MARCHF10: variants seen among roughly 807,000 people sequenced by gnomAD.
MARCHF10 encodes the protein probable E3 ubiquitin-protein ligase MARCHF10.
MARCHF10 carries 64 observed loss-of-function variants against 76.2 expected under a neutral mutation model. That is an observed-to-expected ratio of 0.84 (90% CI 0.69 to 1.03). The LOEUF (loss-of-function observed/expected upper bound fraction) is 1.03, where lower values mean the gene tolerates loss of function less well. Ranked by LOEUF, MARCHF10 falls within the 50% of genes least tolerant of loss-of-function variation. The pLI is 0.00. For missense variants in MARCHF10, 875 were observed against 958.0 expected (o/e 0.91, Z 1.14); for synonymous variants, 340 against 357.5 (o/e 0.95, Z 0.55).
At chr17:62,770,851 CTTTTTTTTTTTTTT>C (rs35064058) in intron 3 of MARCHF10, among the ~76,000 whole-genome samples, 1 of 83,632 alleles carries the variant, frequency 1.2e-5, no homozygotes, top group African/African-American at 4.9e-5. Context: ...TGTATTTTGA[CTTTTTTTTTTTTTT>C]TTTTTTTTGA....
In MARCHF10 at chr17:62,736,351, C is replaced by T. The variant is rs891715114; in HGVS notation, c.1517G>A (p.Gly506Glu). Residue 506 changes from glycine to glutamate, a missense_variant, in exon 6 of 11, where the codon GGG becomes GAG. Transcript: ENST00000311269. ...VHSSDSEGNSGFHVCQPLSPI... is the reference protein window; with the variant it reads ...VHSSDSEGNSEFHVCQPLSPI... ...AGACAGTGGTTGGCAAACATGAAAC[C>T]CTGAGTTTCCCTCTGAGTCTGAGCT... 1.9e-6 allele frequency: 3 copies of T among 1,614,046 alleles called. No homozygotes were observed. The African/African-American group carries it at 4.0e-5, about 22-fold the overall frequency.
At position 62,738,849 on chromosome 17, in the gene MARCHF10, T is replaced by A. The variant is rs1251336717; in HGVS notation, c.536-1517A>T. Among the ~76,000 whole-genome samples, 3 of 152,218 alleles carry A rather than the reference T, an allele frequency of 2.0e-5. No individual in the cohort carries two copies. Among genetic ancestry groups the A allele is most frequent in the African/African-American group, 7.2e-5 (3 of 41,462 alleles). ...CCCTCCTGGGTTTTATAAACCCCAG[T>A]TAGAGATGCAGCAGCAATTCAAGGA... On this transcript the variant is annotated intron_variant, in intron 5 of 10. Coordinates refer to ENST00000311269, the MANE Select transcript of MARCHF10 (RefSeq NM_152598.4). This position sits in a 1 kb window ranked among gnomAD's most constrained non-coding sequence, Gnocchi z 4.0.
intron 3 of MARCHF10, among the ~76,000 whole-genome samples, chr17:62,762,283 G>T (rs1452528609): frequency 6.6e-6 from 1 of 152,198 alleles, no homozygotes; most frequent in Non-Finnish European, 1.5e-5. Flanking sequence ...CTACGGGATT[G>T]TGAGCCTACA....
intron 6 of MARCHF10, among the ~76,000 whole-genome samples, chr17:62,731,262 ATTAC>A (rs1241184553): frequency 1.3e-5 from 2 of 152,010 alleles, no homozygotes; most frequent in Non-Finnish European, 2.9e-5. Flanking sequence ...TTGACAAAGA[ATTAC>A]TTTTTGTTTT....
chr17:62,801,663 C>A lies in MARCHF10; in HGVS notation c.73G>T (p.Val25Leu). The A allele has an allele frequency of 1.9e-6, 3 of 1,614,090 alleles. No individual in the cohort carries two copies. Among genetic ancestry groups the A allele is most frequent in the African/African-American group, 1.3e-5 (1 of 75,040 alleles). ...VQYLRDMQHKVDSEYQACLRR... is the reference protein window; with the variant it reads ...VQYLRDMQHKLDSEYQACLRR... ...GCAATTACCTGATACTCAGAGTCCACCTTATGCTGCATGTCCCGCAGATAC... is the reference window on the plus strand; with the variant it reads ...GCAATTACCTGATACTCAGAGTCCAACTTATGCTGCATGTCCCGCAGATAC... The change falls in exon 2 of 11, where the codon GTG becomes TTG. Residue 25 changes from valine (V) to leucine (L), a missense_variant. By Grantham distance (32) the Val-to-Leu change is conservative. Coordinates refer to ENST00000311269, the MANE Select transcript of MARCHF10 (RefSeq NM_152598.4).
At position 62,737,056 on chromosome 17, in the gene MARCHF10, A is replaced by C. The variant is rs374880698; in HGVS notation, c.812T>G (p.Phe271Cys). The C allele has an allele frequency of 1.7e-5, 27 of 1,613,918 alleles. No homozygotes were observed. The African/African-American group carries it at 3.2e-4, about 19-fold the overall frequency. The change falls in exon 6 of 11, where the codon TTC becomes TGC. Residue 271 changes from phenylalanine to cysteine, a missense_variant. Coordinates refer to ENST00000311269, the MANE Select transcript of MARCHF10 (RefSeq NM_152598.4). ...AATGGAATAAAAGTCTTCATCTCGG[A>C]ACCTAAATGATGCCTTTCTTGGCCC... Reference protein sequence around the residue: ...VGGPRKASFRFRDEDFYSILS... With the variant: ...VGGPRKASFRCRDEDFYSILS...
At chr17:62,702,201 A>G (rs2089283154) in intron 10 of MARCHF10, among the ~76,000 whole-genome samples, 2 of 151,792 alleles carry the variant, frequency 1.3e-5, no homozygotes, top group African/African-American at 4.8e-5. Context: ...AGGACGGGGA[A>G]AGGGAGGGAG....
rs187639840 is a variant in MARCHF10, at chr17:62,720,285, G to A, written c.2214+2203C>T. On this transcript the variant is annotated intron_variant, in intron 8 of 10. Transcript: ENST00000311269. ...CTGGGTAAAAGGAACTGCTATAAAT[G>A]GGTTGTTAGCCATGTGGTGGTGAGG... is the stretch of plus-strand genomic sequence containing the variant. 3.9e-5 allele frequency among the ~76,000 whole-genome samples: 6 copies of A among 152,310 alleles called. No individual in the cohort carries two copies. The East Asian group carries it at 1.2e-3, about 29-fold the overall frequency.
At chr17:62,797,211 A>AT (rs888289938) in intron 2 of MARCHF10, among the ~76,000 whole-genome samples, 35 of 150,286 alleles carry the variant, frequency 2.3e-4, no homozygotes, top group Middle Eastern at 6.9e-3. Context: ...ATGATATATA[A>AT]TTTTTTTTTT....
In MARCHF10 at chr17:62,736,843, T is replaced by G; in HGVS notation, c.1025A>C (p.His342Pro). 6.2e-7 allele frequency: 1 copy of G among 1,614,030 alleles called. No individual in the cohort carries two copies. Among genetic ancestry groups the G allele is most frequent in the Middle Eastern group, 1.6e-4 (1 of 6,062 alleles). Reference sequence around the variant, plus strand: ...ACTGGGCTCACTTCTTCTTGAAGAATGACCTCTGCAATTTTCAGCATTTTC... The same window carrying G: ...ACTGGGCTCACTTCTTCTTGAAGAAGGACCTCTGCAATTTTCAGCATTTTC... Reference protein sequence around the residue: ...FEENAENCRGHSSRRSEPSHG... With the variant: ...FEENAENCRGPSSRRSEPSHG... The change falls in exon 6 of 11, where the codon CAT becomes CCT. Residue 342 changes from histidine (H) to proline (P), a missense_variant. Transcript: ENST00000311269.
intron 3 of MARCHF10, among the ~76,000 whole-genome samples, chr17:62,774,573 C>G (rs1049888876): frequency 1.3e-5 from 2 of 152,070 alleles, no homozygotes. Flanking sequence ...GGAGGGAGCT[C>G]TGAGAAGGGG....
intron 2 of MARCHF10, among the ~76,000 whole-genome samples, chr17:62,792,433 A>C (rs936808773): frequency 2.0e-5 from 3 of 152,000 alleles, no homozygotes; most frequent in Non-Finnish European, 2.9e-5. Flanking sequence ...TGATATGTTA[A>C]TAATGGCTGG....
In MARCHF10 at chr17:62,736,691, T is replaced by G. The variant is rs140716269; in HGVS notation, c.1177A>C (p.Ser393Arg). 655 of 1,614,188 alleles carry G rather than the reference T, an allele frequency of 4.1e-4. 3 individuals carry two copies. The highest frequency in any genetic ancestry group is 2.0e-4 in the East Asian group (9 of 44,878). ...AGAGGGCTCTTTTTCGCATTTTCAC[T>G]GCCACCTCTGTCCTTCTCTGTAGCA... is the stretch of plus-strand genomic sequence containing the variant. ...ESATEKDRGGSENAKKSPLSW... is the reference protein window; with the variant it reads ...ESATEKDRGGRENAKKSPLSW... The change falls in exon 6 of 11, where the codon AGT becomes CGT. Residue 393 changes from serine (S) to arginine (R), a missense_variant. Physicochemically the swap from Ser to Arg is moderately radical, Grantham distance 110 (BLOSUM62 -1). Transcript: ENST00000311269.
intron 2 of MARCHF10, among the ~76,000 whole-genome samples, chr17:62,798,266 TAGAAA>T (rs1183530460): frequency 6.6e-6 from 1 of 151,026 alleles, no homozygotes; most frequent in Admixed American, 6.6e-5. Context: ...GAAGAGTACA[TAGAAA>T]AGAAAATGGA....
intron 10 of MARCHF10, chr17:62,705,172 T>G (rs1599022678): frequency 6.0e-6 from 7 of 1,174,954 alleles, no homozygotes; most frequent in South Asian, 4.0e-5. Context: ...TTGGGGAGGG[T>G]TTTCCTAGAG....
chr17:62,765,508 C>T (rs1466570315), intron 3 of MARCHF10, among the ~76,000 whole-genome samples: 3 of 152,012 alleles, frequency 2.0e-5, no homozygotes, highest in Non-Finnish European at 4.4e-5. Flanking sequence ...CAAGTTGAAA[C>T]GACCCAGCCT....
At position 62,792,165 on chromosome 17, in the gene MARCHF10, G is replaced by A. The variant is rs527447731; in HGVS notation, c.91-3566C>T. 1.1e-4 allele frequency among the ~76,000 whole-genome samples: 16 copies of A among 151,870 alleles called. No individual in the cohort carries two copies. The South Asian group carries it at 2.5e-3, about 24-fold the overall frequency. On this transcript the variant is annotated intron_variant, in intron 2 of 10. Coordinates refer to ENST00000311269, the MANE Select transcript of MARCHF10 (RefSeq NM_152598.4). Reference sequence around the variant, plus strand: ...GTGCGTCCCCCTGACTACAGCATACGTAGTCGGGCTGCCTTTTGTACAGAA... The same window carrying A: ...GTGCGTCCCCCTGACTACAGCATACATAGTCGGGCTGCCTTTTGTACAGAA...
chr17:62,701,833 C>A (rs1440181151), intron 10 of MARCHF10, 75 bp from the exon 11 acceptor site: 61 of 1,582,922 alleles, frequency 3.9e-5, no homozygotes, highest in Non-Finnish European at 5.3e-5. Context: ...CACGGCACTG[C>A]TGCTTCATCT....
At position 62,738,060 on chromosome 17, in the gene MARCHF10, T is replaced by TCACACACACA. The variant is rs55902229; in HGVS notation, c.536-738_536-729dup. ...AACTGTCTCTCTCTGTCTCTCTCTG[T>TCACACACACA]CACACACACACACACACACACACAC... On this transcript the variant is annotated intron_variant, in intron 5 of 10. Coordinates refer to ENST00000311269, the MANE Select transcript of MARCHF10 (RefSeq NM_152598.4). This position sits in a 1 kb window ranked among gnomAD's most constrained non-coding sequence, Gnocchi z 4.0. The TCACACACACA allele has an allele frequency of 0.065, 8,229 of 127,260 alleles. 371 individuals are homozygous for TCACACACACA. Among genetic ancestry groups the TCACACACACA allele is most frequent in the African/African-American group, 0.11 (3,454 of 31,946 alleles). The allele number at this position is 127,260 out of a possible 1,614,324, so 7.9% of individuals were successfully genotyped here.
Sources: gnomAD v4.1 joint callset for allele counts (sites outside exome capture counted in the v4.1 genomes callset) on GRCh38, gnomAD v4.1.1 for gene constraint, Gnocchi (gnomAD v3.1) non-coding constraint, MANE v1.5 for transcripts, NCBI Gene and HGNC (gene_info 2026-07-23, HGNC 2026-07-21) for gene names.